Variants in PBX1 observed in about 807,000 individuals in gnomAD.
PBX1 encodes the protein pre-B-cell leukemia transcription factor 1.
Under a neutral mutation model 53.4 loss-of-function variants are expected in PBX1, and 6 were observed. The ratio of observed to expected loss-of-function variants is 0.11; its 90% CI spans 0.06 to 0.22. The LOEUF (loss-of-function observed/expected upper bound fraction) is 0.22. Ranked by LOEUF, PBX1 falls within the 10% of genes least tolerant of loss-of-function variation. The pLI is 1.00. For missense variants in PBX1, 251 were observed against 551.4 expected, an observed-to-expected ratio of 0.46 and a Z score of 5.46; for synonymous variants, 204 against 212.3, an observed-to-expected ratio of 0.96 and a Z score of 0.34.
chr1:164,824,021 G>C lies in PBX1; in HGVS notation c.1200+2395G>C, dbSNP rs562683336. Among the ~76,000 whole-genome samples, 3 of 152,236 alleles carry C rather than the reference G, an allele frequency of 2.0e-5. No individual in the cohort carries two copies. The South Asian group carries it at 6.2e-4, about 32-fold the overall frequency. ...AGGAGAGAGAGAGGAGGGGAGACAA[G>C]AAGAGACAAGGACAGGAATGAAAGC... On this transcript the variant is annotated intron_variant, in intron 8 of 8. Coordinates refer to ENST00000420696, the MANE Select transcript of PBX1 (RefSeq NM_002585.4).
chr1:164,594,266 AT>A (rs1655602959), intron 2 of PBX1, among the ~76,000 whole-genome samples: 1 of 152,158 alleles, frequency 6.6e-6, no homozygotes, highest in Admixed American at 6.6e-5. Context: ...TTGGGAGATC[AT>A]TTAGTACAGC....
intron 2 of PBX1, among the ~76,000 whole-genome samples, chr1:164,714,932 A>T (rs929778148): frequency 1.3e-5 from 2 of 152,106 alleles, no homozygotes; most frequent in African/African-American, 4.8e-5. Flanking sequence ...TAGTTCTATG[A>T]TGAAGCATTC....
intron 2 of PBX1, among the ~76,000 whole-genome samples, chr1:164,662,489 C>T (rs1660544866): frequency 6.6e-6 from 1 of 152,126 alleles, no homozygotes; most frequent in Non-Finnish European, 1.5e-5. Context: ...CAACCAGTAC[C>T]AAGCCGACTA....
intron 2 of PBX1, among the ~76,000 whole-genome samples, chr1:164,607,231 T>C (rs1656617963): frequency 2.6e-5 from 4 of 152,000 alleles, no homozygotes; most frequent in Non-Finnish European, 5.9e-5. Flanking sequence ...TTAAGGTAAT[T>C]TTGGTGTCTC....
intron 2 of PBX1, among the ~76,000 whole-genome samples, chr1:164,752,602 T>C (rs913878613): frequency 6.6e-6 from 1 of 152,170 alleles, no homozygotes; most frequent in Admixed American, 6.5e-5. Context: ...TTTTGGTGTA[T>C]TAGGGGAATA....
Position 164,846,723 on chromosome 1 carries a change from A to G in PBX1, c.*47A>G, listed in dbSNP as rs1462998780. 6.2e-7 allele frequency: 1 copy of G among 1,613,518 alleles called. No individual in the cohort carries two copies. Among genetic ancestry groups the G allele is most frequent in the Non-Finnish European group, 8.5e-7 (1 of 1,179,834 alleles). On this transcript the variant is annotated 3_prime_UTR_variant, in exon 9 of 9. Coordinates refer to ENST00000420696, the MANE Select transcript of PBX1 (RefSeq NM_002585.4). ...GCTGACCCTGTGCCCCAGTTGGGGC[A>G]GGGGCAGGAGGGAGGGTTTCTCTCC...
At chr1:164,606,523 C>T (rs557329729) in intron 2 of PBX1, among the ~76,000 whole-genome samples, 1 of 152,308 alleles carries the variant, frequency 6.6e-6, no homozygotes, top group East Asian at 1.9e-4. Context: ...TTTCAGTGAG[C>T]TGAGGTAGCG....
At chr1:164,654,839 G>A (rs564623459) in intron 2 of PBX1, among the ~76,000 whole-genome samples, 7 of 152,256 alleles carry the variant, frequency 4.6e-5, no homozygotes, top group Non-Finnish European at 8.8e-5. Context: ...AGCATTTATC[G>A]AACTGGGTAT....
intron 2 of PBX1, among the ~76,000 whole-genome samples, chr1:164,648,821 G>A (rs1016515989): frequency 5.3e-5 from 8 of 152,216 alleles, no homozygotes; most frequent in Non-Finnish European, 1.0e-4. Flanking sequence ...GCAGTGTAAT[G>A]TAATGAAAAC....
chr1:164,775,521 C>T (rs894493610), intron 2 of PBX1, among the ~76,000 whole-genome samples: 4 of 152,152 alleles, frequency 2.6e-5, no homozygotes, highest in African/African-American at 2.4e-5. Flanking sequence ...CCACCTTTGC[C>T]TCTGCCTACC....
intron 2 of PBX1, among the ~76,000 whole-genome samples, chr1:164,657,672 A>C (rs191878489): frequency 6.6e-6 from 1 of 152,284 alleles, no homozygotes; most frequent in Admixed American, 6.5e-5. Context: ...ATAAGTGGGC[A>C]TATTGTTTTT....
At chr1:164,627,568 A>T (rs1333500723) in intron 2 of PBX1, among the ~76,000 whole-genome samples, 1 of 152,156 alleles carries the variant, frequency 6.6e-6, no homozygotes, top group Non-Finnish European at 1.5e-5. Context: ...GTGAAAGGAA[A>T]TAATATTTCT....
intron 2 of PBX1, among the ~76,000 whole-genome samples, chr1:164,860,045 G>A (rs1297824482): frequency 6.6e-6 from 1 of 152,136 alleles, no homozygotes; most frequent in African/African-American, 2.4e-5. Context: ...GGAACTATAG[G>A]AAGCCCAAGA....
chr1:164,655,104 T>TTG (rs1553225091), intron 2 of PBX1, among the ~76,000 whole-genome samples: 3 of 149,506 alleles, frequency 2.0e-5, no homozygotes, highest in Non-Finnish European at 4.4e-5. Flanking sequence ...ATGTGTGTTT[T>TTG]TTTTTTTTTT....
chr1:164,636,819 AT>A (rs1227848462), intron 2 of PBX1, among the ~76,000 whole-genome samples: 1 of 151,966 alleles, frequency 6.6e-6, no homozygotes, highest in East Asian at 1.9e-4. Context: ...GGTTTCTTTC[AT>A]GGCCAGAATG....
chr1:164,578,764 T>G (rs1164490831), intron 2 of PBX1, among the ~76,000 whole-genome samples: 1 of 152,206 alleles, frequency 6.6e-6, no homozygotes, highest in Non-Finnish European at 1.5e-5. Context: ...AAGCATGCTT[T>G]CTTTGAATCA....
chr1:164,831,637 C>T (rs1670768648), intron 8 of PBX1, among the ~76,000 whole-genome samples: 1 of 152,154 alleles, frequency 6.6e-6, no homozygotes, highest in Non-Finnish European at 1.5e-5. Context: ...GATTCGCCCA[C>T]CTCAGCCTCC....
At chr1:164,686,446 A>T (rs1662100513) in intron 2 of PBX1, among the ~76,000 whole-genome samples, 1 of 152,222 alleles carries the variant, frequency 6.6e-6, no homozygotes, top group South Asian at 2.1e-4. Context: ...AAACAAGGAC[A>T]GATGCAGCAG....
At chr1:164,595,598 C>T (rs920517175) in intron 2 of PBX1, among the ~76,000 whole-genome samples, 16 of 151,624 alleles carry the variant, frequency 1.1e-4, no homozygotes, top group Non-Finnish European at 2.1e-4. Context: ...CTCAGCTTTG[C>T]TTTTAGTAGG....
Sources: allele counts gnomAD v4.1 joint callset (sites outside exome capture counted in the v4.1 genomes callset), GRCh38; gene constraint gnomAD v4.1.1; transcripts MANE v1.5; gene names NCBI Gene and HGNC (gene_info 2026-07-23, HGNC 2026-07-21).